Variants in OPN4 observed in about 807,000 individuals in gnomAD.
The protein encoded by OPN4 is melanopsin.
OPN4 carries 43 observed loss-of-function variants against 49.5 expected under a neutral mutation model. The ratio of observed to expected loss-of-function variants is 0.87; its 90% CI spans 0.68 to 1.12. OPN4 has a LOEUF of 1.12. Ranked by LOEUF, OPN4 falls within the 50% of genes most tolerant of loss-of-function variation. The pLI, the probability that OPN4 is intolerant of heterozygous loss-of-function variation, is 0.00. For synonymous variants in OPN4, 263 were observed against 258.0 expected, an observed-to-expected ratio of 1.02 and a Z score of -0.19; for missense variants, 657 against 643.9, an observed-to-expected ratio of 1.02 and a Z score of -0.22.
rs752612579 is a variant in OPN4 at position 86,656,177 on chromosome 10, C to T, written c.167C>T (p.Ala56Val). The change falls in exon 2 of 10, where the codon GCC (alanine) becomes GTC (valine). Residue 56 changes from alanine (A) to valine (V), a missense_variant. Ala to Val is a moderately conservative substitution (Grantham distance 64). Transcript: ENST00000241891. The part of the protein sequence containing the change: ...SPTAPGTWAA[A>V]WVPLPTVDVP... ...CAGGCACCTGGGACTTGGGCTGCTG[C>T]CTGGGTCCCCCTCCCCACGGTTGAT... 11 of 1,614,080 alleles carry T rather than the reference C, an allele frequency of 6.8e-6. No homozygotes were observed. The highest frequency in any genetic ancestry group is 9.3e-6 in the Non-Finnish European group (11 of 1,180,042).
At chr10:86,658,273 G>A in intron 3 of OPN4, 108 bp downstream of exon 3, 1 of 1,439,756 alleles carries the variant, frequency 6.9e-7, no homozygotes, top group East Asian at 2.3e-5. Context: ...TCTGGGCAGA[G>A]AGTGGGTAGC....
rs549445457 is a variant in OPN4 at position 86,659,224 on chromosome 10, T to A, written c.629-73T>A. ...TGTGTATGGGGACCCGAATGCCACA[T>A]ACAAAGCTCCTGCCAGATAAGGAGC... On this transcript the variant is annotated intron_variant, in intron 4 of 9. Coordinates refer to ENST00000241891, the MANE Select transcript of OPN4 (RefSeq NM_033282.4). The A allele has an allele frequency of 3.9e-6, 5 of 1,266,988 alleles. No homozygotes were observed. In the South Asian group the frequency reaches 5.3e-5, roughly 14 times the overall value. 78.5% of individuals were successfully genotyped at this position (1,266,988 alleles called of 1,614,324 possible).
chr10:86,657,115 C>T (rs890356740), intron 2 of OPN4: 6 of 766,584 alleles, frequency 7.8e-6, no homozygotes, highest in Non-Finnish European at 1.2e-5. Context: ...CACACAGCCC[C>T]CTGGCTCTCC....
intron 6 of OPN4, among the ~76,000 whole-genome samples, chr10:86,660,739 A>C (rs1487974365): frequency 6.6e-6 from 1 of 152,110 alleles, no homozygotes; most frequent in Non-Finnish European, 1.5e-5. Context: ...GGAACAGTGG[A>C]CCTGGGAACC....
In OPN4 at chr10:86,659,935, T is replaced by A; in HGVS notation, c.841T>A (p.Ser281Thr). 6.2e-7 allele frequency: 1 copy of A among 1,613,968 alleles called. No homozygotes were observed. Among genetic ancestry groups the A allele is most frequent in the Non-Finnish European group, 8.5e-7 (1 of 1,179,964 alleles). Residue 281 changes from serine (S) to threonine (T), a missense_variant, in exon 6 of 10, where the codon TCC becomes ACC. By Grantham distance (58) the Ser-to-Thr change is moderately conservative (BLOSUM62 1). Transcript: ENST00000241891. ...CGGGGCCTGCAAGGGCAATGGCGAG[T>A]CCCTGTGGCAGCGGCAGCGGCTGCA... ...TFGACKGNGESLWQRQRLQSE... is the reference protein window; with the variant it reads ...TFGACKGNGETLWQRQRLQSE...
chr10:86,657,674 G>A (rs1008278903), intron 2 of OPN4, among the ~76,000 whole-genome samples: 2 of 152,210 alleles, frequency 1.3e-5, no homozygotes, highest in Admixed American at 6.5e-5. Flanking sequence ...AATGGTGTGA[G>A]TCGTGCAGAG....
intron 8 of OPN4, among the ~76,000 whole-genome samples, chr10:86,663,161 A>G (rs1402823457): frequency 6.6e-6 from 1 of 151,956 alleles, no homozygotes; most frequent in Non-Finnish European, 1.5e-5. Flanking sequence ...TGTTCCCACC[A>G]CACTTGGGCT....
In OPN4 at chr10:86,659,279, A is replaced by G; in HGVS notation, c.629-18A>G. Reference sequence around the variant, plus strand: ...GTCAGTGCCGCCCCAAAGGCTGAGCACCTGCCCTGGCTCCCAGGCGCCTAC... The same window carrying G: ...GTCAGTGCCGCCCCAAAGGCTGAGCGCCTGCCCTGGCTCCCAGGCGCCTAC... On this transcript the variant is annotated intron_variant, in intron 4 of 9. Transcript: ENST00000241891. 1 of 1,604,556 alleles carries G rather than the reference A, an allele frequency of 6.2e-7. No homozygotes were observed. The highest frequency in any genetic ancestry group is 8.5e-7 in the Non-Finnish European group (1 of 1,176,908).
At chr10:86,657,175 CTT>C in intron 2 of OPN4, 2 of 780,412 alleles carry the variant, frequency 2.6e-6, no homozygotes, top group Non-Finnish European at 2.4e-6. Context: ...CTTGAGCTCA[CTT>C]TTCTTTCCGC....
At chr10:86,663,544 G>T (rs1294239099) in intron 8 of OPN4, 115 bp from the exon 9 acceptor site, 11 of 962,012 alleles carry the variant, frequency 1.1e-5, no homozygotes, top group Non-Finnish European at 1.6e-5. Context: ...GGTGTCAGGG[G>T]CCTCCCGCAA....
chr10:86,655,128 A>G (rs1164594382), intron 1 of OPN4, among the ~76,000 whole-genome samples: 1 of 152,170 alleles, frequency 6.6e-6, no homozygotes, highest in African/African-American at 2.4e-5. Flanking sequence ...GTCCTTCCTC[A>G]TGGAGAGCAT....
rs1844072120 is a variant in OPN4 at position 86,663,657 on chromosome 10, AG to A, written c.1256del. The A allele has an allele frequency of 6.6e-7, 1 of 1,506,690 alleles. No individual in the cohort carries two copies. The highest frequency in any genetic ancestry group is 8.9e-7 in the Non-Finnish European group (1 of 1,124,210). The allele number at this position is 1,506,690 out of a possible 1,614,324, so 93.3% of individuals were successfully genotyped here. On this transcript the variant is annotated splice_acceptor_variant, in intron 8 of 9. Transcript: ENST00000241891. LOFTEE classifies it high-confidence loss of function. ...TCACAGTCACTCTCTCACCTCCCTCAGGGCTGGACACACATGGAGGCAGCAG... is the reference window on the plus strand; with the variant it reads ...TCACAGTCACTCTCTCACCTCCCTCAGGCTGGACACACATGGAGGCAGCAG...
intron 9 of OPN4, 106 bp downstream of exon 9, chr10:86,663,908 T>C (rs774068948): frequency 4.4e-6 from 6 of 1,351,762 alleles, no homozygotes; most frequent in Non-Finnish European, 5.0e-6. Context: ...GCAGGGGCGA[T>C]ATCCTCCAGG....
In OPN4 at chr10:86,658,666, C is replaced by T. The variant is rs1391981205; in HGVS notation, c.607C>T (p.Leu203=). The change falls in exon 4 of 10, where the codon CTG becomes TTG. Residue 203 remains leucine, a synonymous_variant. Coordinates refer to ENST00000241891, the MANE Select transcript of OPN4 (RefSeq NM_033282.4). ...GVWLYALAWS[L]PPFFGWSAYV... is the part of the protein sequence containing the mutation. ...TTGGCTCTATGCCCTGGCCTGGAGT[C>T]TGCCACCCTTCTTCGGCTGGAGTAA... 1.9e-6 allele frequency: 3 copies of T among 1,613,240 alleles called. No individual in the cohort carries two copies. The highest frequency in any genetic ancestry group is 2.5e-6 in the Non-Finnish European group (3 of 1,180,042).
At chr10:86,661,770 A>C (rs1039911437) in intron 7 of OPN4, among the ~76,000 whole-genome samples, 7 of 142,860 alleles carry the variant, frequency 4.9e-5, no homozygotes, top group South Asian at 2.4e-4. Flanking sequence ...AGGGCCTGGC[A>C]GGAGCCTGGG....
rs1589586722 is a variant in OPN4, at chr10:86,658,158, G to A, written c.417G>A (p.Gly139=). 1 of 1,613,840 alleles carries A rather than the reference G, an allele frequency of 6.2e-7. No individual in the cohort carries two copies. Among genetic ancestry groups the A allele is most frequent in the African/African-American group, 1.3e-5 (1 of 75,004 alleles). ...GCCTCTATAAGCAGTGGCTCTTTGG[G>A]GAGACAGGTAGATGCTGGGGCTCCC... ...TSSLYKQWLF[G]ETGCEFYAFC... The change falls in exon 3 of 10, where the codon GGG becomes GGA. Residue 139 remains glycine (G), a synonymous_variant. Coordinates refer to ENST00000241891, the MANE Select transcript of OPN4 (RefSeq NM_033282.4).
chr10:86,658,897 C>G lies in OPN4; in HGVS notation c.628+210C>G, dbSNP rs144460021. On this transcript the variant is annotated intron_variant, in intron 4 of 9. Transcript: ENST00000241891. Reference sequence around the variant, plus strand: ...AGGGGCCAAAGGATCTCCTGGGCAACTGATCCCAAAATACAAAGGCTTTCT... The same window carrying G: ...AGGGGCCAAAGGATCTCCTGGGCAAGTGATCCCAAAATACAAAGGCTTTCT... Among the ~76,000 whole-genome samples, 74 of 152,278 alleles carry G rather than the reference C, an allele frequency of 4.9e-4. No individual in the cohort carries two copies. In the East Asian group the frequency reaches 0.011, roughly 23 times the overall value.
intron 2 of OPN4, among the ~76,000 whole-genome samples, chr10:86,656,912 T>C (rs1259078336): frequency 7.3e-6 from 1 of 137,440 alleles, no homozygotes; most frequent in Non-Finnish European, 1.5e-5. Context: ...GCCACTGCAC[T>C]CTAGCCTGGG....
At position 86,654,576 on chromosome 10, in the gene OPN4, A is replaced by C. The variant is rs111322459; in HGVS notation, c.-208A>C. On this transcript the variant is annotated 5_prime_UTR_variant, in exon 1 of 10. Coordinates refer to ENST00000241891, the MANE Select transcript of OPN4 (RefSeq NM_033282.4). ...GTCACCATAACTGCGACACTCACTC[A>C]TTTGCGCTTCACCAGACACAGAGCA... 3.6e-4 allele frequency: 212 copies of C among 581,882 alleles called. 1 individual carries two copies. The highest frequency in any genetic ancestry group is 3.4e-3 in the African/African-American group (182 of 53,962). 36.0% of individuals were successfully genotyped at this position (581,882 alleles called of 1,614,324 possible). A position where few individuals can be genotyped will look rare whatever the true frequency, so the allele number is the denominator to read the frequency against.
Sources: gnomAD v4.1 joint callset for allele counts (sites outside exome capture counted in the v4.1 genomes callset) on GRCh38, gnomAD v4.1.1 for gene constraint, MANE v1.5 for transcripts, NCBI Gene and HGNC (gene_info 2026-07-23, HGNC 2026-07-21) for gene names.